Variants in HS1BP3 observed in about 807,000 individuals in gnomAD.
HS1BP3 encodes the protein HCLS1-binding protein 3.
HS1BP3 carries 32 observed loss-of-function variants against 33.5 expected under a neutral mutation model. That is an observed-to-expected ratio of 0.95 (90% CI 0.72 to 1.28). The LOEUF is 1.28. HS1BP3 is among the 50% of genes most tolerant of loss of function. The probability of loss-of-function intolerance (pLI) is 0.00; values close to 1 mark genes in which losing one functional copy is unlikely to be tolerated. For synonymous variants in HS1BP3, 187 were observed against 209.2 expected, an observed-to-expected ratio of 0.89 and a Z score of 0.92; for missense variants, 486 against 502.3, an observed-to-expected ratio of 0.97 and a Z score of 0.31.
intron 6 of HS1BP3, among the ~76,000 whole-genome samples, chr2:20,619,599 A>G (rs1433998262): frequency 6.6e-6 from 1 of 152,150 alleles, no homozygotes; most frequent in Non-Finnish European, 1.5e-5. Flanking sequence ...ACCAGCTACT[A>G]TGTACAGAGT....
intron 5 of HS1BP3, among the ~76,000 whole-genome samples, chr2:20,574,629 C>T (rs1693356079): frequency 6.6e-6 from 1 of 152,192 alleles, no homozygotes; most frequent in Admixed American, 6.5e-5. Context: ...TAGCAGAAAG[C>T]ATGGTCAGCC....
chr2:20,575,353 C>T (rs963964772), intron 5 of HS1BP3, among the ~76,000 whole-genome samples: 5 of 152,340 alleles, frequency 3.3e-5, no homozygotes, highest in Middle Eastern at 3.4e-3. Flanking sequence ...ATCCCTGAGC[C>T]TGGAAGCCCT....
chr2:20,603,524 G>A (rs2164400), intron 2 of HS1BP3, among the ~76,000 whole-genome samples: 27,550 of 152,156 alleles, frequency 0.18, 2,733 homozygotes, highest in Non-Finnish European at 0.23. Context: ...TATATAAAAT[G>A]TCCAGAATGG....
intron 5 of HS1BP3, among the ~76,000 whole-genome samples, chr2:20,571,417 C>T (rs1271486837): frequency 6.6e-6 from 1 of 152,198 alleles, no homozygotes; most frequent in Non-Finnish European, 1.5e-5. Flanking sequence ...TGAGGCAGCC[C>T]GGGCCTGTTC....
chr2:20,638,018 G>A lies in HS1BP3; in HGVS notation c.623+418C>T. 6.7e-6 allele frequency: 2 copies of A among 300,230 alleles called. 1 individual carries two copies. The highest frequency in any genetic ancestry group is 1.9e-4 in the South Asian group (2 of 10,618). The allele number at this position is 300,230 out of a possible 1,614,324, so 18.6% of individuals were successfully genotyped here. A position where few individuals can be genotyped will look rare whatever the true frequency, so the allele number is the denominator to read the frequency against. On this transcript the variant is annotated intron_variant, in intron 4 of 6. Coordinates refer to ENST00000304031, the MANE Select transcript of HS1BP3 (RefSeq NM_022460.4). ...TGGCCCTGTGTGGAGGCAGGGCCAA[G>A]GTGAATGCTCCTGCTATGCAGATGA...
chr2:20,625,114 C>CG (rs1446992003), intron 4 of HS1BP3, among the ~76,000 whole-genome samples: 1 of 152,200 alleles, frequency 6.6e-6, no homozygotes, highest in Non-Finnish European at 1.5e-5. Context: ...GATGGTCACA[C>CG]GGCCAAGGGA....
At position 20,624,757 on chromosome 2, in the gene HS1BP3, G is replaced by A; in HGVS notation, c.759C>T (p.Pro253=). 6.2e-7 allele frequency: 1 copy of A among 1,607,756 alleles called. No individual in the cohort carries two copies. Among genetic ancestry groups the A allele is most frequent in the Non-Finnish European group, 8.5e-7 (1 of 1,176,150 alleles). ...GGTCCACGGATGACACGTCCTCCGA[G>A]GGGTCCTGTGGAGACAGCTTCCTGC... ...GPGRKLSPQD[P]SEDVSSVDPL... The change falls in exon 5 of 7, where the codon CCC becomes CCT. Residue 253 remains proline (P), a synonymous_variant. Coordinates refer to ENST00000304031, the MANE Select transcript of HS1BP3 (RefSeq NM_022460.4).
downstream of HS1BP3, among the ~76,000 whole-genome samples, chr2:20,615,299 T>C (rs17719159): frequency 0.24 from 36,011 of 152,156 alleles, 5,048 homozygotes; most frequent in Non-Finnish European, 0.32. Flanking sequence ...CCACAGAACC[T>C]GGCTGCTGCT....
chr2:20,595,811 A>T (rs942461560), intron 3 of HS1BP3, among the ~76,000 whole-genome samples: 4 of 152,208 alleles, frequency 2.6e-5, no homozygotes, highest in African/African-American at 9.6e-5. Context: ...ACGTCCATCC[A>T]TCACGGCCCA....
intron 2 of HS1BP3, among the ~76,000 whole-genome samples, chr2:20,610,852 TG>T (rs1694305189): frequency 6.6e-6 from 1 of 152,244 alleles, no homozygotes; most frequent in Non-Finnish European, 1.5e-5. Context: ...CCATTTTAAG[TG>T]CACAGTTTGA....
At chr2:20,630,487 T>C (rs184704595) in intron 4 of HS1BP3, among the ~76,000 whole-genome samples, 1 of 152,328 alleles carries the variant, frequency 6.6e-6, no homozygotes, top group East Asian at 1.9e-4. Flanking sequence ...CAGGCTGATC[T>C]CAAGCTCCTG....
chr2:20,567,818 C>G (rs1316803252), intron 5 of HS1BP3, among the ~76,000 whole-genome samples: 2 of 152,210 alleles, frequency 1.3e-5, no homozygotes, highest in Non-Finnish European at 2.9e-5. Flanking sequence ...CCCTTCCGTG[C>G]CAGTGGAACC....
chr2:20,611,059 T>C lies in HS1BP3; in HGVS notation c.179-12794A>G, dbSNP rs1694309372. ...CATATATGTGGGATCATACAAGATA[T>C]AGTTTTGGGGTCTGGCTTCTTTCAC... On this transcript the variant is annotated intron_variant, in intron 2 of 3. Transcript: ENST00000415264. The surrounding 1 kb of genome is among the most constrained non-coding windows in gnomAD (Gnocchi z 4.9). Among the ~76,000 whole-genome samples the C allele has an allele frequency of 2.0e-5, 3 of 152,220 alleles. No homozygotes were observed.
chr2:20,634,034 G>A (rs959741453), intron 4 of HS1BP3, among the ~76,000 whole-genome samples: 9 of 152,210 alleles, frequency 5.9e-5, no homozygotes, highest in Admixed American at 1.3e-4. Flanking sequence ...ATCCTGGCTC[G>A]TGGCCCCCAC....
chr2:20,600,977 ACTTT>A (rs1350159112), intron 2 of HS1BP3, among the ~76,000 whole-genome samples: 1 of 152,190 alleles, frequency 6.6e-6, no homozygotes, highest in Non-Finnish European at 1.5e-5. Context: ...GGAGAGTTAA[ACTTT>A]CTTTTTAACT....
At chr2:20,588,512 G>A (rs57734601), downstream of HS1BP3, among the ~76,000 whole-genome samples, 30,781 of 152,144 alleles carry the variant, frequency 0.2, 3,670 homozygotes, top group African/African-American at 0.34. Context: ...TAGAGACGGG[G>A]TTTCACCATG....
intron 1 of HS1BP3, among the ~76,000 whole-genome samples, chr2:20,649,747 C>G (rs1695630144): frequency 6.6e-6 from 1 of 152,178 alleles, no homozygotes; most frequent in Non-Finnish European, 1.5e-5. Context: ...ACCCTGCAGG[C>G]AAGATCCTTG....
rs180911504 is a variant in HS1BP3, at chr2:20,606,920, T to A, written c.179-8655A>T. Among the ~76,000 whole-genome samples the A allele has an allele frequency of 1.2e-4, 18 of 152,306 alleles. No individual in the cohort carries two copies. The East Asian group carries it at 3.5e-3, about 29-fold the overall frequency. ...TTTGTGTTGTCTTTCACTCTCTTGA[T>A]GTTGTCCTTGGAAGCACAAAAGTTT... On this transcript the variant is annotated intron_variant, in intron 2 of 3. Transcript: ENST00000415264.
At chr2:20,638,393 C>G (rs1404852137) in intron 4 of HS1BP3, 43 bp downstream of exon 4, 28 of 1,574,756 alleles carry the variant, frequency 1.8e-5, no homozygotes, top group Non-Finnish European at 2.4e-5. Flanking sequence ...TCCAGAAAGC[C>G]TGGAATACAC....
Sources: allele counts gnomAD v4.1 joint callset (sites outside exome capture counted in the v4.1 genomes callset), GRCh38; gene constraint gnomAD v4.1.1; non-coding constraint Gnocchi (gnomAD v3.1); transcripts MANE v1.5; gene names NCBI Gene and HGNC (gene_info 2026-07-23, HGNC 2026-07-21).